Variants in RGS7 observed in about 807,000 individuals in gnomAD.
RGS7 encodes the protein regulator of G protein signaling 7.
Under a neutral mutation model 81.1 loss-of-function variants are expected in RGS7, and 27 were observed. The observed-to-expected ratio is 0.33, with a 90% CI of 0.25 to 0.46. The LOEUF is 0.46. RGS7 is among the 20% of genes least tolerant of loss of function. The probability of loss-of-function intolerance (pLI) is 1.00; values close to 1 mark genes in which losing one functional copy is unlikely to be tolerated. For synonymous variants in RGS7, 208 were observed against 207.7 expected (o/e 1.00, Z -0.01); for missense variants, 396 against 607.4 (o/e 0.65, Z 3.66).
chr1:241,226,570 A>G (rs375517010), intron 2 of RGS7, among the ~76,000 whole-genome samples: 1 of 152,338 alleles, frequency 6.6e-6, no homozygotes, highest in African/African-American at 2.4e-5. Context: ...CCCTGCACTC[A>G]TGGATCTTAT....
intron 2 of RGS7, among the ~76,000 whole-genome samples, chr1:241,176,694 T>C (rs2071172949): frequency 6.6e-6 from 1 of 152,036 alleles, no homozygotes; most frequent in African/African-American, 2.4e-5. Context: ...TTACAGGAAA[T>C]GGTGGGCCTT....
intron 2 of RGS7, among the ~76,000 whole-genome samples, chr1:241,120,082 A>G (rs567841154): frequency 6.6e-6 from 1 of 152,320 alleles, no homozygotes; most frequent in Admixed American, 6.5e-5. Context: ...ACTTTAGGAT[A>G]AAGCTCAAAG....
intron 3 of RGS7, among the ~76,000 whole-genome samples, chr1:241,068,152 C>T (rs997452870): frequency 2.0e-5 from 3 of 149,906 alleles, no homozygotes; most frequent in Non-Finnish European, 4.4e-5. Context: ...TACTCAGCTG[C>T]ATTAATTCAG....
chr1:240,926,799 C>T (rs1674513373), intron 6 of RGS7, among the ~76,000 whole-genome samples: 1 of 152,104 alleles, frequency 6.6e-6, no homozygotes, highest in Non-Finnish European at 1.5e-5. Flanking sequence ...ACACAAAATA[C>T]CAGAAATCTT....
At chr1:240,968,277 G>A (rs950769344) in intron 4 of RGS7, among the ~76,000 whole-genome samples, 4 of 152,122 alleles carry the variant, frequency 2.6e-5, no homozygotes, top group South Asian at 2.1e-4. Context: ...CTCTTCCTAC[G>A]GGCATTCAGT....
chr1:240,871,282 C>T (rs1172071619), intron 6 of RGS7, among the ~76,000 whole-genome samples: 4 of 152,170 alleles, frequency 2.6e-5, no homozygotes, highest in Non-Finnish European at 5.9e-5. Context: ...GTAAGTCTAC[C>T]TCTGTGAGTT....
At position 241,353,890 on chromosome 1, in the gene RGS7, A is replaced by G. The variant is rs190571538; in HGVS notation, c.78+1809T>C. 1.2e-4 allele frequency among the ~76,000 whole-genome samples: 19 copies of G among 152,232 alleles called. No homozygotes were observed. The East Asian group carries it at 3.7e-3, about 29-fold the overall frequency. On this transcript the variant is annotated intron_variant, in intron 2 of 18. Transcript: ENST00000440928. ...AGGTACACTAAACAGTCAAATAACT[A>G]TTTCTGAAAGCCCTGTCTTCTTATT...
intron 2 of RGS7, among the ~76,000 whole-genome samples, chr1:241,138,642 A>G (rs2067700174): frequency 6.6e-6 from 1 of 152,028 alleles, no homozygotes; most frequent in African/African-American, 2.4e-5. Context: ...TGCCTCCTCT[A>G]TTTCACCTGT....
At chr1:241,074,388 G>A (rs1486754341) in intron 3 of RGS7, among the ~76,000 whole-genome samples, 3 of 152,182 alleles carry the variant, frequency 2.0e-5, no homozygotes, top group Admixed American at 6.5e-5. Context: ...GAGGAATAGA[G>A]AAGGATACTG....
intron 6 of RGS7, among the ~76,000 whole-genome samples, chr1:240,885,685 G>A (rs371826026): frequency 6.6e-6 from 1 of 152,288 alleles, no homozygotes; most frequent in African/African-American, 2.4e-5. Context: ...TTATAAGTGG[G>A]AGCTAAATGA....
At chr1:241,343,155 G>A (rs552021862) in intron 2 of RGS7, among the ~76,000 whole-genome samples, 337 of 152,076 alleles carry the variant, frequency 2.2e-3, no homozygotes, top group African/African-American at 7.6e-3. Flanking sequence ...CCAGCTACTC[G>A]GGAGGCTGAG....
intron 2 of RGS7, among the ~76,000 whole-genome samples, chr1:241,160,125 AAAAAAG>A (rs1209388816): frequency 1.1e-3 from 155 of 141,398 alleles, no homozygotes; most frequent in East Asian, 2.4e-3. Context: ...AAAAAAAAAA[AAAAAAG>A]AAAAAGAAAA....
At chr1:240,915,919 G>T (rs1166635271) in intron 6 of RGS7, among the ~76,000 whole-genome samples, 2 of 151,918 alleles carry the variant, frequency 1.3e-5, no homozygotes, top group African/African-American at 2.4e-5. Flanking sequence ...GTTTGGACAT[G>T]TGTCAAAAGA....
chr1:241,127,530 C>A (rs55855116), intron 2 of RGS7, among the ~76,000 whole-genome samples: 2,075 of 152,058 alleles, frequency 0.014, 35 homozygotes, highest in African/African-American at 0.047. Flanking sequence ...CATCACACAC[C>A]GGGGACTGTT....
chr1:240,836,246 T>TA (rs1269816044), intron 9 of RGS7, among the ~76,000 whole-genome samples: 4 of 152,264 alleles, frequency 2.6e-5, no homozygotes, highest in Non-Finnish European at 5.9e-5. Flanking sequence ...AAAACTGCTC[T>TA]AAAAAATAAA....
intron 3 of RGS7, among the ~76,000 whole-genome samples, chr1:241,042,572 T>C (rs1156853399): frequency 1.3e-5 from 2 of 152,152 alleles, no homozygotes; most frequent in African/African-American, 4.8e-5. Flanking sequence ...AAAAGGCACA[T>C]AAAAGACCAG....
intron 18 of RGS7, among the ~76,000 whole-genome samples, chr1:240,793,225 T>C (rs942809960): frequency 1.3e-5 from 2 of 152,076 alleles, no homozygotes; most frequent in African/African-American, 4.8e-5. Context: ...CTCACAGAAC[T>C]TGAGCAGCAA....
At chr1:241,277,549 G>A (rs1448338574) in intron 2 of RGS7, among the ~76,000 whole-genome samples, 1 of 151,628 alleles carries the variant, frequency 6.6e-6, no homozygotes. Context: ...AACCCAGGAG[G>A]TGGAGCTTGC....
intron 2 of RGS7, among the ~76,000 whole-genome samples, chr1:241,216,609 C>T (rs186684678): frequency 5.9e-5 from 9 of 152,304 alleles, no homozygotes; most frequent in Admixed American, 1.3e-4. Context: ...CGCTATTGAA[C>T]ATGTCTATCC....
Sources: gnomAD v4.1 joint callset for allele counts (sites outside exome capture counted in the v4.1 genomes callset) on GRCh38, gnomAD v4.1.1 for gene constraint, MANE v1.5 for transcripts, NCBI Gene and HGNC (gene_info 2026-07-23, HGNC 2026-07-21) for gene names.